RORA: variants seen among roughly 807,000 people sequenced by gnomAD.
RORA encodes the protein nuclear receptor ROR-alpha.
A neutral mutation model predicts 69.5 loss-of-function variants in RORA; 7 were observed. That is an observed-to-expected ratio of 0.10 (90% CI 0.06 to 0.19). The LOEUF is 0.19. Among genes scored for constraint, RORA ranks in the 10% least tolerant of loss-of-function variants. The pLI is 1.00. For missense variants in RORA, 457 were observed against 663.0 expected (o/e 0.69, Z 3.41); for synonymous variants, 261 against 240.8 (o/e 1.08, Z -0.78).
chr15:60,956,145 T>C (rs72752785), intron 1 of RORA, among the ~76,000 whole-genome samples: 30 of 152,314 alleles, frequency 2.0e-4, no homozygotes, highest in African/African-American at 7.0e-4. Context: ...CAGTGATGAA[T>C]AGAATTATTT....
chr15:61,025,531 TCAGA>T (rs925066573), intron 1 of RORA, among the ~76,000 whole-genome samples: 3 of 152,180 alleles, frequency 2.0e-5, no homozygotes, highest in Admixed American at 6.5e-5. Flanking sequence ...AAAATGCGAC[TCAGA>T]CAGTCTTTGT....
intron 1 of RORA, among the ~76,000 whole-genome samples, chr15:60,919,968 C>A (rs1319631438): frequency 6.6e-6 from 1 of 152,126 alleles, no homozygotes; most frequent in Non-Finnish European, 1.5e-5. Context: ...ATAGAACGTA[C>A]AGAAGAGCCA....
intron 1 of RORA, among the ~76,000 whole-genome samples, chr15:60,980,326 T>C (rs1894008215): frequency 6.6e-6 from 1 of 152,178 alleles, no homozygotes; most frequent in African/African-American, 2.4e-5. Flanking sequence ...ATAAGAGATA[T>C]TAGCCTGTAG....
In RORA at chr15:60,925,947, C is replaced by T. The variant is rs1246479667; in HGVS notation, c.167-247261G>A. Among the ~76,000 whole-genome samples the T allele has an allele frequency of 7.9e-5, 12 of 152,306 alleles. No individual in the cohort carries two copies. The East Asian group carries it at 2.1e-3, about 27-fold the overall frequency. On this transcript the variant is annotated intron_variant, in intron 1 of 10. Transcript: ENST00000335670. ...TGGGAATTAAACTCTTAACACATCA[C>T]ATGGTGACCAAAAATGCTGAGGCCA... is the stretch of plus-strand genomic sequence containing the variant.
intron 1 of RORA, among the ~76,000 whole-genome samples, chr15:61,033,567 A>T (rs2140449962): frequency 6.6e-6 from 1 of 152,254 alleles, no homozygotes; most frequent in East Asian, 1.9e-4. Flanking sequence ...GCTCCATATA[A>T]ATAAGACACT....
chr15:61,125,946 T>A (rs1452514380), intron 1 of RORA, among the ~76,000 whole-genome samples: 1 of 152,244 alleles, frequency 6.6e-6, no homozygotes, highest in Admixed American at 6.5e-5. Context: ...CAAAATTTCA[T>A]GTTGGGAAGC....
chr15:61,014,334 T>C (rs1895205016), intron 1 of RORA, among the ~76,000 whole-genome samples: 1 of 152,256 alleles, frequency 6.6e-6, no homozygotes, highest in Non-Finnish European at 1.5e-5. Flanking sequence ...AGTAGGTCCT[T>C]AGACAAGGCT....
At chr15:60,849,776 A>G (rs2073304617) in intron 1 of RORA, among the ~76,000 whole-genome samples, 1 of 152,144 alleles carries the variant, frequency 6.6e-6, no homozygotes, top group South Asian at 2.1e-4. Flanking sequence ...ACATGTACAC[A>G]AGGATGGTTT....
chr15:61,186,106 A>C (rs530571015), intron 1 of RORA, among the ~76,000 whole-genome samples: 1 of 152,346 alleles, frequency 6.6e-6, no homozygotes, highest in South Asian at 2.1e-4. Context: ...TGCAAAATAC[A>C]ATCTGTTTGT....
intron 1 of RORA, among the ~76,000 whole-genome samples, chr15:61,163,604 G>A (rs569965773): frequency 6.6e-6 from 1 of 152,172 alleles, no homozygotes; most frequent in Non-Finnish European, 1.5e-5. Flanking sequence ...ACGAAATTGA[G>A]ACCAGATACG....
At chr15:60,616,663 G>C (rs1015680905) in intron 2 of RORA, among the ~76,000 whole-genome samples, 3 of 152,176 alleles carry the variant, frequency 2.0e-5, no homozygotes, top group African/African-American at 7.2e-5. Flanking sequence ...CTGCATTTCA[G>C]GAAAAGAGCT....
intron 1 of RORA, among the ~76,000 whole-genome samples, chr15:60,981,589 C>G (rs1280459903): frequency 6.6e-6 from 1 of 152,014 alleles, no homozygotes; most frequent in Non-Finnish European, 1.5e-5. Flanking sequence ...CTGTTAAGCC[C>G]CTCTAGTAAT....
chr15:60,644,583 C>T (rs1244705659), intron 2 of RORA, among the ~76,000 whole-genome samples: 1 of 152,206 alleles, frequency 6.6e-6, no homozygotes, highest in Non-Finnish European at 1.5e-5. Flanking sequence ...ATGGTAAACT[C>T]ATGTCCTTAT....
At chr15:60,877,396 A>C (rs1327404925) in intron 1 of RORA, among the ~76,000 whole-genome samples, 1 of 152,202 alleles carries the variant, frequency 6.6e-6, no homozygotes, top group South Asian at 2.1e-4. Flanking sequence ...TACAGTAATA[A>C]TGTCAAATGA....
At chr15:60,712,250 TA>T (rs138526176) in intron 1 of RORA, among the ~76,000 whole-genome samples, 1 of 152,212 alleles carries the variant, frequency 6.6e-6, no homozygotes, top group East Asian at 1.9e-4. Flanking sequence ...CTAACATTTT[TA>T]AAAAAGTTGA....
intron 1 of RORA, among the ~76,000 whole-genome samples, chr15:61,065,134 C>A (rs1027599886): frequency 3.3e-5 from 5 of 152,176 alleles, no homozygotes; most frequent in Admixed American, 2.0e-4. Flanking sequence ...TTAAAGGTAA[C>A]CCCTCCCCAC....
intron 1 of RORA, among the ~76,000 whole-genome samples, chr15:61,134,571 T>A (rs577492219): frequency 1.4e-4 from 21 of 152,314 alleles, no homozygotes; most frequent in Non-Finnish European, 2.2e-4. Context: ...GCTGCAAGAA[T>A]TCCTATTCTC....
chr15:61,226,054 A>G lies in RORA; in HGVS notation c.166+2999T>C, dbSNP rs2080142694. On this transcript the variant is annotated intron_variant, in intron 1 of 10. Coordinates refer to ENST00000335670, the MANE Select transcript of RORA (RefSeq NM_134261.3). This position sits in a 1 kb window ranked among gnomAD's most constrained non-coding sequence, Gnocchi z 4.2. Reference sequence around the variant, plus strand: ...GTCACACACCTGATTTTGTAAGCTCAGGCAATAAAGGTACACAGTGCATCC... The same window carrying G: ...GTCACACACCTGATTTTGTAAGCTCGGGCAATAAAGGTACACAGTGCATCC... Among the ~76,000 whole-genome samples, 1 of 152,206 alleles carries G rather than the reference A, an allele frequency of 6.6e-6. No homozygotes were observed. Among genetic ancestry groups the G allele is most frequent in the South Asian group, 2.1e-4 (1 of 4,828 alleles).
rs2068750807 is a variant in RORA, at chr15:60,598,663, A to G, written c.197-66812T>C. ...TTTATTGGCAAGGCTTCTAGTCAAC[A>G]GTAGGCTATTAGTAGTTAAGTTATG... On this transcript the variant is annotated intron_variant, in intron 2 of 10. Transcript: ENST00000335670. Among the ~76,000 whole-genome samples, 3 of 152,258 alleles carry G rather than the reference A, an allele frequency of 2.0e-5. No individual in the cohort carries two copies. The East Asian group carries it at 5.8e-4, about 29-fold the overall frequency.
Sources: gnomAD v4.1 joint callset for allele counts (sites outside exome capture counted in the v4.1 genomes callset) on GRCh38, gnomAD v4.1.1 for gene constraint, Gnocchi (gnomAD v3.1) non-coding constraint, MANE v1.5 for transcripts, NCBI Gene and HGNC (gene_info 2026-07-23, HGNC 2026-07-21) for gene names.